Variants in NRG1 observed in about 807,000 individuals in gnomAD.
NRG1 encodes the protein pro-neuregulin-1, membrane-bound isoform.
A neutral mutation model predicts 63.8 loss-of-function variants in NRG1; 18 were observed. The observed-to-expected ratio is 0.28, with a 90% confidence interval of 0.19 to 0.42. The LOEUF (loss-of-function observed/expected upper bound fraction) is 0.42, where lower values mean the gene tolerates loss of function less well. NRG1 is among the 10% of genes least tolerant of loss of function. The pLI, the probability that NRG1 is intolerant of heterozygous loss-of-function variation, is 1.00. For missense variants in NRG1, 762 were observed against 814.7 expected (o/e 0.94, Z 0.79); for synonymous variants, 302 against 301.3 (o/e 1.00, Z -0.02).
chr8:32,642,016 C>CTGAT (rs1251377910), intron 5 of NRG1, among the ~76,000 whole-genome samples: 2 of 152,198 alleles, frequency 1.3e-5, no homozygotes, highest in Non-Finnish European at 2.9e-5. Context: ...TTTCCCTCCA[C>CTGAT]TGATAGGATC....
chr8:31,883,412 T>C (rs1472986721), intron 1 of NRG1, among the ~76,000 whole-genome samples: 1 of 152,138 alleles, frequency 6.6e-6, no homozygotes, highest in Non-Finnish European at 1.5e-5. Flanking sequence ...CACTTTATTA[T>C]TCAGTTCACT....
chr8:31,648,782 C>G lies in NRG1; in HGVS notation c.37+9351C>G, dbSNP rs184020417. 6.6e-4 allele frequency among the ~76,000 whole-genome samples: 100 copies of G among 152,238 alleles called. 1 individual carries two copies. The East Asian group carries it at 0.017, about 25-fold the overall frequency. The stretch of plus-strand genomic sequence containing the variant: ...AATTTTCCATTGTATGTAAATAACA[C>G]ATTTTGTTTATTCATCCATCCATCC... On this transcript the variant is annotated intron_variant, in intron 1 of 10. Transcript: ENST00000519301.
At chr8:32,618,949 AT>A (rs1289983042) in intron 5 of NRG1, among the ~76,000 whole-genome samples, 15 of 152,180 alleles carry the variant, frequency 9.9e-5, no homozygotes, top group African/African-American at 3.6e-4. Context: ...ATGGTCGCTC[AT>A]GCCTATAATC....
intron 1 of NRG1, among the ~76,000 whole-genome samples, chr8:32,582,541 T>C (rs1009873982): frequency 6.6e-6 from 1 of 152,230 alleles, no homozygotes; most frequent in African/African-American, 2.4e-5. Context: ...ATTCAAAGTA[T>C]GGGATACAGT....
intron 1 of NRG1, among the ~76,000 whole-genome samples, chr8:31,919,702 C>G (rs189789114): frequency 2.0e-5 from 3 of 152,124 alleles, no homozygotes; most frequent in Non-Finnish European, 4.4e-5. Context: ...TTTCATGGAA[C>G]AATGCATTCT....
At chr8:32,169,462 G>C (rs1839769510) in intron 1 of NRG1, among the ~76,000 whole-genome samples, 1 of 152,182 alleles carries the variant, frequency 6.6e-6, no homozygotes, top group Non-Finnish European at 1.5e-5. Context: ...AAGAAAATAA[G>C]TTCTCATATT....
intron 1 of NRG1, among the ~76,000 whole-genome samples, chr8:32,533,107 A>T (rs1465006579): frequency 6.6e-6 from 1 of 151,958 alleles, no homozygotes; most frequent in Non-Finnish European, 1.5e-5. Context: ...TACGGTCCAT[A>T]ACACTTGGAG....
chr8:31,649,711 G>A (rs77711447), intron 1 of NRG1, among the ~76,000 whole-genome samples: 1 of 152,208 alleles, frequency 6.6e-6, no homozygotes, highest in African/African-American at 2.4e-5. Context: ...AACAATGAAA[G>A]ATGTAAAGAA....
intron 1 of NRG1, among the ~76,000 whole-genome samples, chr8:32,417,606 A>G (rs1241669199): frequency 1.3e-5 from 2 of 151,902 alleles, no homozygotes; most frequent in Non-Finnish European, 2.9e-5. Context: ...TTAGTTGGAT[A>G]CACTTCCCAC....
intron 1 of NRG1, among the ~76,000 whole-genome samples, chr8:32,173,997 A>C (rs1256198772): frequency 2.0e-5 from 3 of 152,156 alleles, no homozygotes; most frequent in South Asian, 2.1e-4. Context: ...GACCTAATAG[A>C]CATCTACAGG....
At chr8:32,432,369 T>G (rs1200922650) in intron 1 of NRG1, among the ~76,000 whole-genome samples, 1 of 152,144 alleles carries the variant, frequency 6.6e-6, no homozygotes, top group Non-Finnish European at 1.5e-5. Flanking sequence ...ATTATCTCCC[T>G]TTTACAAAAA....
At chr8:32,646,731 A>C in intron 5 of NRG1, 1 of 985,424 alleles carries the variant, frequency 1.0e-6, no homozygotes, top group Non-Finnish European at 1.2e-6. Context: ...CATGGGGACT[A>C]GGCTTAACTG....
chr8:32,117,878 A>G (rs1482385867), intron 1 of NRG1, among the ~76,000 whole-genome samples: 1 of 152,172 alleles, frequency 6.6e-6, no homozygotes, highest in Non-Finnish European at 1.5e-5. Flanking sequence ...GCCATGGTCT[A>G]ATAAGTTTAG....
intron 3 of NRG1, among the ~76,000 whole-genome samples, chr8:32,609,476 C>T (rs1358014861): frequency 6.6e-6 from 1 of 151,828 alleles, no homozygotes; most frequent in Non-Finnish European, 1.5e-5. Flanking sequence ...ACCACTGAAC[C>T]ATGTCTTCCT....
At chr8:31,944,558 G>C (rs1396375397) in intron 1 of NRG1, among the ~76,000 whole-genome samples, 1 of 152,106 alleles carries the variant, frequency 6.6e-6, no homozygotes, top group East Asian at 1.9e-4. Context: ...GCTCTTGCTT[G>C]TTCTAACTAA....
chr8:32,626,841 T>A (rs867083126), intron 5 of NRG1, among the ~76,000 whole-genome samples: 1 of 151,674 alleles, frequency 6.6e-6, no homozygotes, highest in Non-Finnish European at 1.5e-5. Flanking sequence ...GCCGACATGG[T>A]GAAACCCTGT....
At chr8:31,794,212 T>C (rs747000796) in intron 1 of NRG1, among the ~76,000 whole-genome samples, 6 of 152,160 alleles carry the variant, frequency 3.9e-5, no homozygotes, top group Admixed American at 6.6e-5. Context: ...TTGTTATGTT[T>C]GCTGACAGAA....
chr8:32,534,560 A>G (rs1359267367), intron 1 of NRG1, among the ~76,000 whole-genome samples: 1 of 152,208 alleles, frequency 6.6e-6, no homozygotes, highest in Non-Finnish European at 1.5e-5. Context: ...GATTGAAGTC[A>G]GGTAAGTCTA....
intron 1 of NRG1, among the ~76,000 whole-genome samples, chr8:31,922,864 T>C (rs1585787563): frequency 1.3e-5 from 2 of 151,968 alleles, no homozygotes; most frequent in African/African-American, 4.8e-5. Flanking sequence ...GCTTGTAGCT[T>C]AGTGGGAAGG....
Sources: gnomAD v4.1 joint callset for allele counts (sites outside exome capture counted in the v4.1 genomes callset) on GRCh38, gnomAD v4.1.1 for gene constraint, MANE v1.5 for transcripts, NCBI Gene and HGNC (gene_info 2026-07-23, HGNC 2026-07-21) for gene names.